KIAA1217: variants seen among roughly 807,000 people sequenced by gnomAD.
The protein encoded by KIAA1217 is sickle tail protein homolog.
Under a neutral mutation model 163.9 loss-of-function variants are expected in KIAA1217, and 88 were observed. The observed-to-expected ratio is 0.54, with a 90% confidence interval of 0.45 to 0.64. KIAA1217 has a LOEUF of 0.64. Among genes scored for constraint, KIAA1217 ranks in the 30% least tolerant of loss-of-function variants. The pLI is 0.00. For missense variants in KIAA1217, 2,372 were observed against 2,475.0 expected (o/e 0.96, Z 0.88); for synonymous variants, 903 against 923.1 (o/e 0.98, Z 0.39).
intron 1 of KIAA1217, among the ~76,000 whole-genome samples, chr10:23,853,622 C>T (rs1032375645): frequency 1.3e-5 from 2 of 152,048 alleles, no homozygotes; most frequent in Non-Finnish European, 2.9e-5. Flanking sequence ...TGGTAGAATT[C>T]GCGTGTGAAT....
At chr10:24,336,223 C>A (rs1389715642) in intron 2 of KIAA1217, among the ~76,000 whole-genome samples, 1 of 152,130 alleles carries the variant, frequency 6.6e-6, no homozygotes, top group African/African-American at 2.4e-5. Context: ...GCCTGGGCAA[C>A]AAGAGCAAAA....
At position 23,775,349 on chromosome 10, in the gene KIAA1217, G is replaced by A. The variant is rs1269159367; in HGVS notation, c.-321+80115G>A. 2.0e-5 allele frequency among the ~76,000 whole-genome samples: 3 copies of A among 152,212 alleles called. No individual in the cohort carries two copies. The East Asian group carries it at 5.8e-4, about 29-fold the overall frequency. On this transcript the variant is annotated intron_variant, in intron 1 of 18. Coordinates refer to the KIAA1217 transcript ENST00000376462. The stretch of plus-strand genomic sequence containing the variant: ...CAGCAGGACCCATAGGAGGAACGGA[G>A]ATGGGCATATTTTGTTGTCTGGGAA...
At chr10:24,545,405 G>C in intron 20 of KIAA1217, 11 of 1,309,214 alleles carry the variant, frequency 8.4e-6, no homozygotes, top group Non-Finnish European at 1.1e-5. Flanking sequence ...TGAACACCTC[G>C]GGAAGCAGAG....
chr10:23,729,193 C>T (rs563765603), intron 1 of KIAA1217, among the ~76,000 whole-genome samples: 1 of 152,262 alleles, frequency 6.6e-6, no homozygotes, highest in South Asian at 2.1e-4. Context: ...CTTACTCATC[C>T]ACCTACTGAA....
intron 5 of KIAA1217, among the ~76,000 whole-genome samples, chr10:24,444,001 G>C (rs902097354): frequency 6.6e-6 from 1 of 151,900 alleles, no homozygotes; most frequent in Non-Finnish European, 1.5e-5. Context: ...AAATCTGTTT[G>C]TTTTCTTTTC....
chr10:23,992,607 CTT>C (rs368335847), intron 1 of KIAA1217, among the ~76,000 whole-genome samples: 282 of 127,872 alleles, frequency 2.2e-3, no homozygotes, highest in East Asian at 0.014. Flanking sequence ...GCCATCATTT[CTT>C]TTTTTTTTTT....
At chr10:23,801,703 T>G (rs1836476099) in intron 1 of KIAA1217, among the ~76,000 whole-genome samples, 1 of 152,174 alleles carries the variant, frequency 6.6e-6, no homozygotes, top group African/African-American at 2.4e-5. Context: ...CAGGTGTAGA[T>G]ACTGTTATTA....
At chr10:24,025,145 T>C (rs1847887479) in intron 2 of KIAA1217, among the ~76,000 whole-genome samples, 2 of 151,800 alleles carry the variant, frequency 1.3e-5, no homozygotes, top group African/African-American at 4.8e-5. Context: ...TGAATCTTTT[T>C]AGGTCTTACA....
chr10:24,157,978 A>G (rs1589713002), intron 2 of KIAA1217: 10 of 754,486 alleles, frequency 1.3e-5, no homozygotes, highest in South Asian at 4.4e-5. Context: ...TGACTCCACA[A>G]TCTCGATCAA....
rs141986924 is a variant in KIAA1217 at position 24,279,865 on chromosome 10, G to A, written c.354+59956G>A. On this transcript the variant is annotated intron_variant, in intron 2 of 20. Coordinates refer to ENST00000376454, the MANE Select transcript of KIAA1217 (RefSeq NM_019590.5). ...AAAAATAGTCGTTAAGAGGGTACAAGTTCATCTGATAGTTGCAACTAACAT... is the reference window on the plus strand; with the variant it reads ...AAAAATAGTCGTTAAGAGGGTACAAATTCATCTGATAGTTGCAACTAACAT... Among the ~76,000 whole-genome samples the A allele has an allele frequency of 1.6e-3, 238 of 152,312 alleles. No individual in the cohort carries two copies. The Middle Eastern group carries it at 0.034, about 22-fold the overall frequency.
At chr10:24,086,462 A>G (rs1405917757) in intron 2 of KIAA1217, among the ~76,000 whole-genome samples, 1 of 152,182 alleles carries the variant, frequency 6.6e-6, no homozygotes, top group Non-Finnish European at 1.5e-5. Context: ...CTCCATGTGT[A>G]TCAGATTTTA....
At chr10:23,881,971 C>T (rs1214098856) in intron 1 of KIAA1217, among the ~76,000 whole-genome samples, 1 of 151,950 alleles carries the variant, frequency 6.6e-6, no homozygotes, top group Admixed American at 6.6e-5. Flanking sequence ...ACATCATGAA[C>T]TTGTGCTGCT....
At chr10:24,270,732 T>A (rs979448341) in intron 2 of KIAA1217, among the ~76,000 whole-genome samples, 6 of 152,050 alleles carry the variant, frequency 3.9e-5, no homozygotes, top group African/African-American at 1.2e-4. Context: ...TTTTTAGTAG[T>A]TATGGGGTTT....
intron 12 of KIAA1217, among the ~76,000 whole-genome samples, chr10:24,522,245 G>A (rs1020041521): frequency 6.6e-6 from 1 of 152,130 alleles, no homozygotes; most frequent in African/African-American, 2.4e-5. Context: ...GATCCCTTGA[G>A]CCCAGGAGTA....
chr10:23,909,387 A>T (rs1018370065), intron 1 of KIAA1217, among the ~76,000 whole-genome samples: 7 of 152,018 alleles, frequency 4.6e-5, no homozygotes, highest in Non-Finnish European at 8.8e-5. Context: ...AAAATAAATT[A>T]AAAAAAGAAA....
intron 2 of KIAA1217, among the ~76,000 whole-genome samples, chr10:24,373,098 T>C (rs1353842169): frequency 6.6e-6 from 1 of 152,196 alleles, no homozygotes; most frequent in African/African-American, 2.4e-5. Flanking sequence ...TTATAGTGAA[T>C]TGCTTTCTGT....
At chr10:24,107,977 G>T (rs1040952610) in intron 2 of KIAA1217, among the ~76,000 whole-genome samples, 2 of 152,212 alleles carry the variant, frequency 1.3e-5, no homozygotes, top group Admixed American at 1.3e-4. Context: ...GTAGGTGGCA[G>T]GATGGGGTTG....
intron 17 of KIAA1217, among the ~76,000 whole-genome samples, chr10:24,538,522 T>G (rs1449322413): frequency 9.3e-5 from 11 of 118,816 alleles, no homozygotes; most frequent in African/African-American, 2.6e-4. Context: ...GAGAGAGAGA[T>G]ATGGAGGGAG....
intron 2 of KIAA1217, among the ~76,000 whole-genome samples, chr10:24,331,500 T>G (rs2045663979): frequency 6.6e-6 from 1 of 152,176 alleles, no homozygotes; most frequent in South Asian, 2.1e-4. Context: ...GCAGTAGTAA[T>G]TATGACTTAA....
Sources: gnomAD v4.1 joint callset for allele counts (sites outside exome capture counted in the v4.1 genomes callset) on GRCh38, gnomAD v4.1.1 for gene constraint, MANE v1.5 for transcripts, NCBI Gene and HGNC (gene_info 2026-07-23, HGNC 2026-07-21) for gene names.